OSBPL3: variants seen among roughly 807,000 people sequenced by gnomAD.
OSBPL3 encodes the protein oxysterol-binding protein-related protein 3.
In OSBPL3, 65 loss-of-function variants were observed where a neutral mutation model predicts 120.1. The ratio of observed to expected loss-of-function variants is 0.54; its 90% CI spans 0.44 to 0.67. The LOEUF (loss-of-function observed/expected upper bound fraction) is 0.67, where lower values mean the gene tolerates loss of function less well. OSBPL3 is among the 30% of genes least tolerant of loss of function. The pLI, the probability that OSBPL3 is intolerant of heterozygous loss-of-function variation, is 0.00. For synonymous variants in OSBPL3, 416 were observed against 402.6 expected (o/e 1.03, Z -0.40); for missense variants, 1,004 against 1,082.1 (o/e 0.93, Z 1.01).
rs1479956739 is a variant in OSBPL3, at chr7:24,870,740, G to A, written c.373C>T (p.His125Tyr). The A allele has an allele frequency of 6.3e-7, 1 of 1,594,060 alleles. No individual in the cohort carries two copies. Among genetic ancestry groups the A allele is most frequent in the Non-Finnish European group, 8.6e-7 (1 of 1,161,726 alleles). Reference protein sequence around the residue: ...IDLDTEEHIYHLKVKSEEVFD... With the variant: ...IDLDTEEHIYYLKVKSEEVFD... ...GTGGGAAGCAGCCTCACCTTCAGAT[G>A]GTAGATGTGCTCCTCGGTGTCAAGG... Residue 125 changes from histidine (H) to tyrosine (Y), a missense_variant, in exon 5 of 23, where the codon CAT (histidine) becomes TAT (tyrosine). Coordinates refer to ENST00000313367, the MANE Select transcript of OSBPL3 (RefSeq NM_015550.4).
At position 24,899,650 on chromosome 7, in the gene OSBPL3, G is replaced by A. The variant is rs1322957572; in HGVS notation, c.-149-7029C>T. Among the ~76,000 whole-genome samples the A allele has an allele frequency of 6.6e-6, 1 of 152,084 alleles. No homozygotes were observed. The highest frequency in any genetic ancestry group is 2.4e-5 in the African/African-American group (1 of 41,406). ...ATACTTGGAGATTTAGTAACGAGAA[G>A]AGCACCAAGGGCATGGAGGTCTCTG... is the stretch of plus-strand genomic sequence containing the variant. On this transcript the variant is annotated intron_variant, in intron 1 of 22. Transcript: ENST00000313367. The surrounding 1 kb of genome is among the most constrained non-coding windows in gnomAD (Gnocchi z 4.0).
At position 24,800,646 on chromosome 7, in the gene OSBPL3, G is replaced by A. The variant is rs545026982; in HGVS notation, c.2568-367C>T. ...TAATTTTTGTATTTTTAGTAGAGACGGGGTTTCACCATGTTGGCTAGGCTG... is the reference window on the plus strand; with the variant it reads ...TAATTTTTGTATTTTTAGTAGAGACAGGGTTTCACCATGTTGGCTAGGCTG... On this transcript the variant is annotated intron_variant, in intron 22 of 22. Coordinates refer to ENST00000313367, the MANE Select transcript of OSBPL3 (RefSeq NM_015550.4). Among the ~76,000 whole-genome samples, 42 of 151,754 alleles carry A rather than the reference G, an allele frequency of 2.8e-4. No homozygotes were observed. In the East Asian group the frequency reaches 6.4e-3, roughly 23 times the overall value.
rs375874322 is a variant in OSBPL3, at chr7:24,916,709, C to T, written c.-149-24088G>A. ...AGAATCTGCCTAATATCATTCCTCC[C>T]GACACCATCATCTAGTAGGGAAGTG... On this transcript the variant is annotated intron_variant, in intron 1 of 22. Coordinates refer to ENST00000313367, the MANE Select transcript of OSBPL3 (RefSeq NM_015550.4). This position sits in a 1 kb window ranked among gnomAD's most constrained non-coding sequence, Gnocchi z 4.9. Among the ~76,000 whole-genome samples, 5 of 152,002 alleles carry T rather than the reference C, an allele frequency of 3.3e-5. No homozygotes were observed. The highest frequency in any genetic ancestry group is 1.9e-4 in the East Asian group (1 of 5,182).
At chr7:24,865,945 C>A in intron 6 of OSBPL3, 125 bp downstream of exon 6, 7 of 692,346 alleles carry the variant, frequency 1.0e-5, no homozygotes, top group Non-Finnish European at 1.7e-5. Flanking sequence ...TAATTAAATA[C>A]CAGCCCAAGC....
intron 12 of OSBPL3, among the ~76,000 whole-genome samples, chr7:24,845,437 T>TTGTGTGTATGTGTGTG (rs145539870): frequency 7.1e-6 from 1 of 141,644 alleles, no homozygotes; most frequent in East Asian, 2.0e-4. Flanking sequence ...CTATCTGTAT[T>TTGTGTGTATGTGTGTG]TGTGTGTATG....
rs900504645 is a variant in OSBPL3 at position 24,939,772 on chromosome 7, T to C, written c.-150+40114A>G. Among the ~76,000 whole-genome samples the C allele has an allele frequency of 8.5e-5, 13 of 152,108 alleles. No individual in the cohort carries two copies. The highest frequency in any genetic ancestry group is 3.1e-4 in the African/African-American group (13 of 41,402). ...GAGACAGTGAAGATTTAGAATGGAA[T>C]GACCCAGTTCAGTCACTGAGAAGGG... On this transcript the variant is annotated intron_variant, in intron 1 of 22. Coordinates refer to ENST00000313367, the MANE Select transcript of OSBPL3 (RefSeq NM_015550.4). The surrounding 1 kb of genome is among the most constrained non-coding windows in gnomAD (Gnocchi z 4.2).
chr7:24,882,698 A>G (rs1803886868), intron 2 of OSBPL3, among the ~76,000 whole-genome samples: 2 of 152,188 alleles, frequency 1.3e-5, no homozygotes, highest in African/African-American at 4.8e-5. Context: ...ATTCCCATTG[A>G]CAGTGTGAAA....
rs961869812 is a variant in OSBPL3 at position 24,818,237 on chromosome 7, C to A, written c.1949-1549G>T. On this transcript the variant is annotated intron_variant, in intron 17 of 22. Coordinates refer to ENST00000313367, the MANE Select transcript of OSBPL3 (RefSeq NM_015550.4). The surrounding 1 kb of genome is among the most constrained non-coding windows in gnomAD (Gnocchi z 4.0). ...GTTCTAAAATTAACTGTGCTGATAA[C>A]TGCACAGTTTATTAAATTCACAATT... Among the ~76,000 whole-genome samples, 2 of 152,112 alleles carry A rather than the reference C, an allele frequency of 1.3e-5. No homozygotes were observed. Among genetic ancestry groups the A allele is most frequent in the African/African-American group, 4.8e-5 (2 of 41,406 alleles).
chr7:24,850,862 ATTTT>A (rs1562824415), intron 11 of OSBPL3, among the ~76,000 whole-genome samples: 10 of 152,216 alleles, frequency 6.6e-5, no homozygotes, highest in African/African-American at 2.2e-4. Flanking sequence ...TAAAAATTTT[ATTTT>A]CAAAAAACAA....
intron 16 of OSBPL3, among the ~76,000 whole-genome samples, chr7:24,829,170 C>G (rs17213284): frequency 0.22 from 33,342 of 152,088 alleles, 4,228 homozygotes; most frequent in Non-Finnish European, 0.29. Flanking sequence ...CTATTTTTGG[C>G]CTTTATTTTT....
chr7:24,958,561 TCCTCTCATA>T (rs1815348501), intron 1 of OSBPL3, among the ~76,000 whole-genome samples: 1 of 152,180 alleles, frequency 6.6e-6, no homozygotes, highest in Non-Finnish European at 1.5e-5. Context: ...GTTCCTGTAC[TCCTCTCATA>T]GGACTTAATC....
rs1347791985 is a variant in OSBPL3 at position 24,846,147 on chromosome 7, T to C, written c.1266+2922A>G. Among the ~76,000 whole-genome samples the C allele has an allele frequency of 2.0e-5, 3 of 152,342 alleles. No homozygotes were observed. The East Asian group carries it at 5.8e-4, about 29-fold the overall frequency. On this transcript the variant is annotated intron_variant, in intron 12 of 22. Coordinates refer to ENST00000313367, the MANE Select transcript of OSBPL3 (RefSeq NM_015550.4). ...ATAACATCTATGCTTGAGAGAGTTA[T>C]TCTGTCCCATTCTTACCCATCATCC...
At position 24,870,860 on chromosome 7, in the gene OSBPL3, AGAGG is replaced by A; in HGVS notation, c.268-19_268-16del. 1.3e-6 allele frequency: 2 copies of A among 1,544,422 alleles called. No homozygotes were observed. Among genetic ancestry groups the A allele is most frequent in the Non-Finnish European group, 9.0e-7 (1 of 1,116,406 alleles). ...TCTCTCTCTATCTGCAGAGGCACCA[AGAGG>A]GTCACTTGGGGACCATGGTGTTAGA... On this transcript the variant is annotated splice_polypyrimidine_tract_variant and intron_variant, in intron 4 of 22. Coordinates refer to ENST00000313367, the MANE Select transcript of OSBPL3 (RefSeq NM_015550.4).
intron 1 of OSBPL3, among the ~76,000 whole-genome samples, chr7:24,974,097 T>C (rs1003230185): frequency 1.3e-5 from 2 of 152,258 alleles, no homozygotes; most frequent in Admixed American, 6.5e-5. Context: ...ACTCAGTGTA[T>C]GTGTTATCCT....
intron 1 of OSBPL3, among the ~76,000 whole-genome samples, chr7:24,919,775 G>A (rs1375612439): frequency 6.6e-6 from 1 of 150,696 alleles, no homozygotes; most frequent in African/African-American, 2.4e-5. Flanking sequence ...TATGGGTCTA[G>A]TATGCAGAAT....
In OSBPL3 at chr7:24,800,046, C is replaced by T. The variant is rs1792105809; in HGVS notation, c.*137G>A. 2.0e-6 allele frequency: 1 copy of T among 506,492 alleles called. No individual in the cohort carries two copies. The highest frequency in any genetic ancestry group is 3.1e-5 in the East Asian group (1 of 31,802). 31.4% of individuals were successfully genotyped at this position (506,492 alleles called of 1,614,324 possible). A position where few individuals can be genotyped will look rare whatever the true frequency, so the allele number is the denominator to read the frequency against. ...AGAAACGCACTGAGGAAAATATAGA[C>T]TTAAAGAGTTACAATGCTAAGCTAA... On this transcript the variant is annotated 3_prime_UTR_variant, in exon 23 of 23. Transcript: ENST00000313367.
rs2128264140 is a variant in OSBPL3 at position 24,865,937 on chromosome 7, AT to A, written c.549+132del. Reference sequence around the variant, plus strand: ...TCTGACTCAGTGGGCAAACAGACTAATTAAATACCAGCCCAAGCCTACCCTG... The same window carrying A: ...TCTGACTCAGTGGGCAAACAGACTAATAAATACCAGCCCAAGCCTACCCTG... On this transcript the variant is annotated intron_variant, in intron 6 of 22. Coordinates refer to ENST00000313367, the MANE Select transcript of OSBPL3 (RefSeq NM_015550.4). 2.3e-5 allele frequency: 16 copies of A among 684,306 alleles called. 1 individual carries two copies. In the South Asian group the frequency reaches 2.9e-4, roughly 12 times the overall value. The allele number at this position is 684,306 out of a possible 1,614,324, so 42.4% of individuals were successfully genotyped here.
intron 2 of OSBPL3, among the ~76,000 whole-genome samples, chr7:24,885,613 A>T (rs1201640761): frequency 6.6e-6 from 1 of 152,192 alleles, no homozygotes; most frequent in Non-Finnish European, 1.5e-5. Flanking sequence ...TTTTGACAGG[A>T]TTTACTCTCT....
chr7:24,876,937 A>G lies in OSBPL3; in HGVS notation c.97-4868T>C, dbSNP rs181385740. ...CTTAAGCATCTTCTATATGTCAGAT[A>G]ATGTGCTAAATACCATACTTACATG... On this transcript the variant is annotated intron_variant, in intron 2 of 22. Coordinates refer to ENST00000313367, the MANE Select transcript of OSBPL3 (RefSeq NM_015550.4). 5.9e-5 allele frequency among the ~76,000 whole-genome samples: 9 copies of G among 152,320 alleles called. No individual in the cohort carries two copies. The East Asian group carries it at 1.7e-3, about 29-fold the overall frequency.
Sources: gnomAD v4.1 joint callset for allele counts (sites outside exome capture counted in the v4.1 genomes callset) on GRCh38, gnomAD v4.1.1 for gene constraint, Gnocchi (gnomAD v3.1) non-coding constraint, MANE v1.5 for transcripts, NCBI Gene and HGNC (gene_info 2026-07-23, HGNC 2026-07-21) for gene names.